The following ADAMDEC1 variants were observed in gnomAD, a reference collection of about 807,000 sequenced individuals.
ADAMDEC1 encodes ADAM DEC1.
A neutral mutation model predicts 60.4 loss-of-function variants in ADAMDEC1; 62 were observed. The ratio of observed to expected loss-of-function variants is 1.03; its 90% CI spans 0.84 to 1.27. ADAMDEC1 has a LOEUF of 1.27. ADAMDEC1 is among the 50% of genes most tolerant of loss of function. The pLI is 0.00. For synonymous variants in ADAMDEC1, 210 were observed against 195.1 expected (o/e 1.08, Z -0.64); for missense variants, 595 against 565.0 (o/e 1.05, Z -0.54).
At chr8:24,393,214 A>T in intron 2 of ADAMDEC1, 48 bp from the exon 3 acceptor site, 1 of 1,166,292 alleles carries the variant, frequency 8.6e-7, no homozygotes, top group Non-Finnish European at 1.2e-6. Flanking sequence ...TAATTATTTT[A>T]GTTATGCTCA....
chr8:24,384,431 T>G lies in ADAMDEC1; in HGVS notation c.-74T>G. On this transcript the variant is annotated 5_prime_UTR_variant, in exon 1 of 14. Coordinates refer to ENST00000256412, the MANE Select transcript of ADAMDEC1 (RefSeq NM_014479.3). ...CCCAATCTCACACGAAAAGTGGGGG[T>G]TTTAATTTTCTTGTTCAACTTCTAA... The G allele has an allele frequency of 8.0e-7, 1 of 1,255,896 alleles. No individual in the cohort carries two copies. The highest frequency in any genetic ancestry group is 1.5e-5 in the South Asian group (1 of 66,292). 77.8% of individuals were successfully genotyped at this position (1,255,896 alleles called of 1,614,324 possible).
chr8:24,398,573 C>T (rs1817676445), intron 8 of ADAMDEC1, 22 bp downstream of exon 8: 4 of 1,532,492 alleles, frequency 2.6e-6, no homozygotes, highest in African/African-American at 1.4e-5. Flanking sequence ...GTCATGTAAA[C>T]CTCATGTTTC....
chr8:24,384,430 G>T lies in ADAMDEC1; in HGVS notation c.-75G>T. The T allele has an allele frequency of 8.0e-7, 1 of 1,246,530 alleles. No homozygotes were observed. Among genetic ancestry groups the T allele is most frequent in the Non-Finnish European group, 1.1e-6 (1 of 908,152 alleles). The allele number at this position is 1,246,530 out of a possible 1,614,324, so 77.2% of individuals were successfully genotyped here. ...CCCCAATCTCACACGAAAAGTGGGG[G>T]TTTTAATTTTCTTGTTCAACTTCTA... On this transcript the variant is annotated 5_prime_UTR_variant, in exon 1 of 14. Coordinates refer to ENST00000256412, the MANE Select transcript of ADAMDEC1 (RefSeq NM_014479.3).
rs75318144 is a variant in ADAMDEC1, at chr8:24,388,098, G to A, written c.88+3506G>A. ...CAGTTCCAGGTCAACATAAGTAGAT[G>A]AGCCTGTTTAAGATAAATTCCCCTA... is the stretch of plus-strand genomic sequence containing the variant. On this transcript the variant is annotated intron_variant, in intron 1 of 13. Transcript: ENST00000256412. 1,516 of 152,676 alleles carry A rather than the reference G, an allele frequency of 9.9e-3. 26 individuals are homozygous for A. Among genetic ancestry groups the A allele is most frequent in the African/African-American group, 0.035 (1,457 of 41,512 alleles). The allele number at this position is 152,676 out of a possible 1,614,324, so 9.5% of individuals were successfully genotyped here. A position where few individuals can be genotyped will look rare whatever the true frequency, so the allele number is the denominator to read the frequency against.
At position 24,384,350 on chromosome 8, in the gene ADAMDEC1, C is replaced by T; in HGVS notation, c.-155C>T. On this transcript the variant is annotated 5_prime_UTR_variant, in exon 1 of 14. Coordinates refer to ENST00000256412, the MANE Select transcript of ADAMDEC1 (RefSeq NM_014479.3). The stretch of plus-strand genomic sequence containing the variant: ...ATCTCTCAAAGATGAGGAACATTCT[C>T]ATGATGTTGACACTGCAATTTTTTG... 1.7e-6 allele frequency: 1 copy of T among 601,202 alleles called. No individual in the cohort carries two copies. Among genetic ancestry groups the T allele is most frequent in the South Asian group, 2.1e-5 (1 of 46,520 alleles). 37.2% of individuals were successfully genotyped at this position (601,202 alleles called of 1,614,324 possible).
intron 6 of ADAMDEC1, 100 bp downstream of exon 6, chr8:24,397,556 A>C: frequency 3.4e-6 from 5 of 1,483,864 alleles, no homozygotes; most frequent in Non-Finnish European, 4.6e-6. Flanking sequence ...TGTATGTGTC[A>C]AGCCTATAAT....
chr8:24,384,991 C>T (rs975955253), intron 1 of ADAMDEC1, among the ~76,000 whole-genome samples: 2 of 152,042 alleles, frequency 1.3e-5, no homozygotes, highest in Non-Finnish European at 2.9e-5. Context: ...AAAAAATCTG[C>T]ACTTTGGGAT....
chr8:24,401,853 G>A (rs904588182), intron 11 of ADAMDEC1, 62 bp from the exon 12 acceptor site: 2 of 1,283,606 alleles, frequency 1.6e-6, no homozygotes, highest in Non-Finnish European at 2.1e-6. Context: ...TCTTTATTCT[G>A]TGTTTCACGC....
At chr8:24,394,510 T>C (rs1019729440) in intron 4 of ADAMDEC1, among the ~76,000 whole-genome samples, 1 of 152,196 alleles carries the variant, frequency 6.6e-6, no homozygotes, top group Non-Finnish European at 1.5e-5. Flanking sequence ...TGGAGATACA[T>C]GCATTTATCC....
chr8:24,400,276 G>C lies in ADAMDEC1; in HGVS notation c.1118G>C (p.Ser373Thr), dbSNP rs756269376. ...TTCAACACCAAGTGTCCCTCTGGCA[G>C]TTGTGTGATGAATCAGTATCTGAGG... ...VPFNTKCPSG[S>T]CVMNQYLSSK... The change falls in exon 11 of 14, where the codon AGT becomes ACT. Residue 373 changes from serine (S) to threonine (T), a missense_variant. By Grantham distance (58) the Ser-to-Thr change is moderately conservative. Transcript: ENST00000256412. 2 of 1,610,568 alleles carry C rather than the reference G, an allele frequency of 1.2e-6. No homozygotes were observed. Among genetic ancestry groups the C allele is most frequent in the Non-Finnish European group, 1.7e-6 (2 of 1,178,292 alleles).
intron 12 of ADAMDEC1, among the ~76,000 whole-genome samples, chr8:24,403,787 A>T (rs1168967083): frequency 6.6e-6 from 1 of 152,134 alleles, no homozygotes; most frequent in Non-Finnish European, 1.5e-5. Context: ...ATTCTTGAAT[A>T]ATTCTATTTC....
chr8:24,395,350 T>C (rs1736146451), intron 4 of ADAMDEC1, among the ~76,000 whole-genome samples: 1 of 152,232 alleles, frequency 6.6e-6, no homozygotes, highest in Non-Finnish European at 1.5e-5. Flanking sequence ...GAGGACCCAC[T>C]GGGAGTACTG....
chr8:24,394,118 G>A lies in ADAMDEC1; in HGVS notation c.334G>A (p.Glu112Lys). ...YTETLYSPRG[E>K]EITTKPENME... ...TGAAACATTGTACTCACCCAGAGGAGAGGAAATTACCACGAAACCTGAGAA... is the reference window on the plus strand; with the variant it reads ...TGAAACATTGTACTCACCCAGAGGAAAGGAAATTACCACGAAACCTGAGAA... The change falls in exon 4 of 14, where the codon GAG becomes AAG. Residue 112 changes from glutamate to lysine, a missense_variant. Transcript: ENST00000256412. 1 of 1,613,470 alleles carries A rather than the reference G, an allele frequency of 6.2e-7. No individual in the cohort carries two copies. The highest frequency in any genetic ancestry group is 8.5e-7 in the Non-Finnish European group (1 of 1,179,510).
chr8:24,398,769 A>G (rs1211218975), intron 8 of ADAMDEC1, 105 bp from the exon 9 acceptor site: 5 of 1,247,896 alleles, frequency 4.0e-6, no homozygotes, highest in Non-Finnish European at 3.4e-6. Flanking sequence ...ATGGAAATTC[A>G]TTACTTGTAG....
Position 24,401,994 on chromosome 8 carries a change from C to T in ADAMDEC1, c.1222C>T (p.Leu408=), listed in dbSNP as rs201384941. ...CCTTTTATCTCAGAAACCAAAGTGC[C>T]TGCTGCAAGCACCTATTCCTACAAA... The part of the protein sequence containing the change: ...RYLLSQKPKC[L]LQAPIPTNIM... The change falls in exon 12 of 14, where the codon CTG becomes TTG. Residue 408 remains leucine, a synonymous_variant. Transcript: ENST00000256412. 9.3e-6 allele frequency: 15 copies of T among 1,613,246 alleles called. No homozygotes were observed. In the Admixed American group the frequency reaches 2.3e-4, roughly 25 times the overall value.
chr8:24,385,904 G>A (rs1225547291), intron 1 of ADAMDEC1, among the ~76,000 whole-genome samples: 1 of 151,482 alleles, frequency 6.6e-6, no homozygotes, highest in Non-Finnish European at 1.5e-5. Flanking sequence ...TACCTAAAGA[G>A]AAGTCAAACA....
chr8:24,391,785 T>A (rs1007982343), intron 1 of ADAMDEC1, among the ~76,000 whole-genome samples: 3 of 152,108 alleles, frequency 2.0e-5, no homozygotes, highest in Non-Finnish European at 4.4e-5. Flanking sequence ...AATGAAAAAC[T>A]TTATCTTTAG....
At chr8:24,389,932 TC>T (rs1382912007) in intron 1 of ADAMDEC1, among the ~76,000 whole-genome samples, 1 of 152,196 alleles carries the variant, frequency 6.6e-6, no homozygotes, top group East Asian at 1.9e-4. Flanking sequence ...TCACCTCTAA[TC>T]CAGCATTCAC....
intron 1 of ADAMDEC1, among the ~76,000 whole-genome samples, chr8:24,388,154 C>T (rs1226255699): frequency 1.3e-5 from 2 of 152,136 alleles, no homozygotes; most frequent in Non-Finnish European, 2.9e-5. Flanking sequence ...TTGCCCTCTG[C>T]CTCAGGGTTA....
Sources: gnomAD v4.1 joint callset for allele counts (sites outside exome capture counted in the v4.1 genomes callset) on GRCh38, gnomAD v4.1.1 for gene constraint, MANE v1.5 for transcripts, NCBI Gene and HGNC (gene_info 2026-07-23, HGNC 2026-07-21) for gene names.